CCDC141: variants seen among roughly 807,000 people sequenced by gnomAD.
CCDC141 encodes coiled-coil domain-containing protein 141.
A neutral mutation model predicts 181.0 loss-of-function variants in CCDC141; 168 were observed. The ratio of observed to expected loss-of-function variants is 0.93; its 90% confidence interval spans 0.82 to 1.05. The LOEUF is 1.05. Among genes scored for constraint, CCDC141 ranks in the 50% least tolerant of loss-of-function variants. The pLI, the probability that CCDC141 is intolerant of heterozygous loss-of-function variation, is 0.00. For synonymous variants in CCDC141, 666 were observed against 642.3 expected (o/e 1.04, Z -0.56); for missense variants, 1,902 against 1,788.5 (o/e 1.06, Z -1.14).
intron 11 of CCDC141, among the ~76,000 whole-genome samples, chr2:178,882,065 A>G (rs1686649814): frequency 6.6e-6 from 1 of 152,110 alleles, no homozygotes; most frequent in African/African-American, 2.4e-5. Flanking sequence ...GCAATGGAAA[A>G]GAAACCTGTT....
chr2:178,861,327 C>T (rs181407190), intron 17 of CCDC141, among the ~76,000 whole-genome samples: 2 of 152,218 alleles, frequency 1.3e-5, no homozygotes, highest in East Asian at 1.9e-4. Context: ...TCACCATGCT[C>T]GGCTAATTTT....
chr2:178,979,369 C>G (rs571412683), intron 2 of CCDC141, among the ~76,000 whole-genome samples: 1 of 151,846 alleles, frequency 6.6e-6, no homozygotes, highest in East Asian at 1.9e-4. Context: ...TCTAAAATAT[C>G]AACATAAAAA....
chr2:179,022,045 A>C (rs1016816845), intron 2 of CCDC141, among the ~76,000 whole-genome samples: 1 of 152,098 alleles, frequency 6.6e-6, no homozygotes, highest in East Asian at 1.9e-4. Flanking sequence ...CGTACAAATG[A>C]CTCTTCCATA....
intron 2 of CCDC141, among the ~76,000 whole-genome samples, chr2:178,988,486 T>G (rs370582190): frequency 2.7e-5 from 4 of 150,426 alleles, no homozygotes; most frequent in Non-Finnish European, 5.9e-5. Flanking sequence ...AAATAAATAA[T>G]AAAAAAAAAG....
At chr2:178,991,738 C>CCA (rs1485588387) in intron 2 of CCDC141, among the ~76,000 whole-genome samples, 3 of 151,998 alleles carry the variant, frequency 2.0e-5, no homozygotes, top group African/African-American at 7.2e-5. Flanking sequence ...ATCTCAATTA[C>CCA]CAAGACTTCA....
intron 22 of CCDC141, among the ~76,000 whole-genome samples, chr2:178,840,224 T>C (rs143299141): frequency 2.0e-5 from 3 of 152,318 alleles, no homozygotes; most frequent in East Asian, 3.9e-4. Flanking sequence ...CAACTCTCTC[T>C]CATCATCTTG....
chr2:178,926,890 T>C (rs1688928278), intron 6 of CCDC141, among the ~76,000 whole-genome samples: 1 of 152,228 alleles, frequency 6.6e-6, no homozygotes, highest in Non-Finnish European at 1.5e-5. Context: ...AACATCACTA[T>C]GTACCCCATA....
At chr2:178,911,681 T>A (rs78123462) in intron 7 of CCDC141, among the ~76,000 whole-genome samples, 2 of 152,302 alleles carry the variant, frequency 1.3e-5, no homozygotes, top group Admixed American at 1.3e-4. Flanking sequence ...AAATGTAAAT[T>A]GATTTGTCAC....
intron 12 of CCDC141, chr2:178,875,075 T>G (rs998575320): frequency 3.2e-4 from 49 of 152,210 alleles, no homozygotes; most frequent in African/African-American, 1.1e-3. Context: ...TCTGCCAGCT[T>G]CTGATTGGCT....
chr2:178,971,714 AT>A (rs1450891547), intron 4 of CCDC141, among the ~76,000 whole-genome samples: 3 of 152,238 alleles, frequency 2.0e-5, no homozygotes, highest in African/African-American at 4.8e-5. Context: ...AATGTGGCAC[AT>A]ATACACACAC....
the CCDC141 span, among the ~76,000 whole-genome samples, chr2:178,823,046 C>G: frequency 1.3e-5 from 2 of 151,366 alleles, no homozygotes; most frequent in Non-Finnish European, 2.9e-5. Flanking sequence ...CAATGAGAAG[C>G]CAGTACATTT....
At chr2:178,969,567 T>C (rs1198551798) in intron 4 of CCDC141, among the ~76,000 whole-genome samples, 1 of 152,130 alleles carries the variant, frequency 6.6e-6, no homozygotes, top group East Asian at 1.9e-4. Flanking sequence ...TTCAACAAAA[T>C]TCAAAACCTC....
At chr2:178,872,049 C>T in intron 13 of CCDC141, 84 bp downstream of exon 13, 1 of 1,342,684 alleles carries the variant, frequency 7.4e-7, no homozygotes, top group Admixed American at 2.3e-5. Flanking sequence ...GCTTATTTCA[C>T]TTAGCTAGTG....
At chr2:178,887,468 T>C (rs13401690) in intron 9 of CCDC141, among the ~76,000 whole-genome samples, 4,110 of 152,244 alleles carry the variant, frequency 0.027, 185 homozygotes, top group African/African-American at 0.093. Context: ...AGTTACATGC[T>C]TTGTCCCCTC....
intron 2 of CCDC141, among the ~76,000 whole-genome samples, chr2:179,000,853 G>A (rs572916953): frequency 5.3e-5 from 8 of 152,284 alleles, no homozygotes; most frequent in Non-Finnish European, 8.8e-5. Context: ...CAGAAAGTTT[G>A]TACCAATTGA....
chr2:178,988,214 C>T (rs1000115764), intron 2 of CCDC141, among the ~76,000 whole-genome samples: 11 of 150,810 alleles, frequency 7.3e-5, no homozygotes, highest in Non-Finnish European at 1.5e-5. Flanking sequence ...TAAACTATCG[C>T]AAGAACAAAA....
intron 3 of CCDC141, among the ~76,000 whole-genome samples, chr2:178,976,672 T>C (rs1691137176): frequency 6.6e-6 from 1 of 152,190 alleles, no homozygotes; most frequent in African/African-American, 2.4e-5. Context: ...CAATTATTAG[T>C]AATTTTTCAT....
intron 17 of CCDC141, among the ~76,000 whole-genome samples, chr2:178,864,341 T>C (rs1384519991): frequency 6.6e-6 from 1 of 152,188 alleles, no homozygotes; most frequent in African/African-American, 2.4e-5. Flanking sequence ...TTTTGTAGCC[T>C]TGGGGAGACC....
chr2:178,956,600 C>T (rs777311472), intron 5 of CCDC141, among the ~76,000 whole-genome samples: 7 of 152,190 alleles, frequency 4.6e-5, no homozygotes, highest in African/African-American at 1.7e-4. Flanking sequence ...CCACGCCCAG[C>T]CTAAGAGCCT....
Sources: allele counts gnomAD v4.1 joint callset (sites outside exome capture counted in the v4.1 genomes callset), GRCh38; gene constraint gnomAD v4.1.1; transcripts MANE v1.5; gene names NCBI Gene and HGNC (gene_info 2026-07-23, HGNC 2026-07-21).